Variants in CFAP20DC observed in about 807,000 individuals in gnomAD.
CFAP20DC encodes the protein CFAP20 domain containing.
In CFAP20DC, 84 loss-of-function variants were observed where a neutral mutation model predicts 101.7. That is an observed-to-expected ratio of 0.83 (90% CI 0.69 to 0.99). The LOEUF (loss-of-function observed/expected upper bound fraction) is 0.99, where lower values mean the gene tolerates loss of function less well. Ranked by LOEUF, CFAP20DC falls within the 50% of genes least tolerant of loss-of-function variation. CFAP20DC has a pLI of 0.00. For missense variants in CFAP20DC, 1,007 were observed against 970.3 expected, an observed-to-expected ratio of 1.04 and a Z score of -0.50; for synonymous variants, 359 against 351.2, an observed-to-expected ratio of 1.02 and a Z score of -0.25.
intron 5 of CFAP20DC, among the ~76,000 whole-genome samples, chr3:58,930,839 C>T (rs1028492189): frequency 6.6e-5 from 10 of 152,132 alleles, no homozygotes; most frequent in South Asian, 2.1e-4. Flanking sequence ...CCAGCGTGAG[C>T]GACGCAGAAG....
intron 14 of CFAP20DC, among the ~76,000 whole-genome samples, chr3:58,807,176 CG>C (rs1449306187): frequency 1.3e-5 from 2 of 152,216 alleles, no homozygotes; most frequent in African/African-American, 4.8e-5. Flanking sequence ...CCTCTGCAGA[CG>C]TAAGTGTCCC....
At chr3:58,922,107 T>C (rs1205653594) in intron 5 of CFAP20DC, among the ~76,000 whole-genome samples, 1 of 152,236 alleles carries the variant, frequency 6.6e-6, no homozygotes, top group African/African-American at 2.4e-5. Context: ...GCACTTTTTA[T>C]AAATAGCATG....
At chr3:58,981,951 C>T (rs1241766428) in intron 4 of CFAP20DC, among the ~76,000 whole-genome samples, 2 of 152,160 alleles carry the variant, frequency 1.3e-5, no homozygotes, top group Non-Finnish European at 2.9e-5. Context: ...TTTTCGCAAC[C>T]TGCTCATCTG....
chr3:58,814,978 G>T (rs1269676311), intron 14 of CFAP20DC, among the ~76,000 whole-genome samples: 2 of 151,146 alleles, frequency 1.3e-5, no homozygotes, highest in Non-Finnish European at 2.9e-5. Context: ...AGCTACCAAT[G>T]ACTTTCTTCA....
chr3:58,830,046 C>G (rs1052105094), intron 14 of CFAP20DC, among the ~76,000 whole-genome samples: 1 of 152,148 alleles, frequency 6.6e-6, no homozygotes, highest in Non-Finnish European at 1.5e-5. Context: ...AATACTCTAA[C>G]CAGAGTAACC....
At position 58,724,825 on chromosome 3, in the gene CFAP20DC, GGC is replaced by G. The variant is rs1559524523; in HGVS notation, c.198-7199_198-7198del. ...GTACCCTACGGGTGGGTGGTGTTGA[GGC>G]TGGTCCCCAACACAGCAGCAGTTGG... On this transcript the variant is annotated intron_variant, in intron 3 of 3. Transcript: ENST00000486145. This position sits in a 1 kb window ranked among gnomAD's most constrained non-coding sequence, Gnocchi z 5.6. Among the ~76,000 whole-genome samples, 1 of 152,046 alleles carries G rather than the reference GGC, an allele frequency of 6.6e-6. No homozygotes were observed. The highest frequency in any genetic ancestry group is 1.9e-4 in the East Asian group (1 of 5,168).
intron 7 of CFAP20DC, among the ~76,000 whole-genome samples, chr3:58,872,457 T>C (rs2080310553): frequency 6.6e-6 from 1 of 152,018 alleles, no homozygotes; most frequent in South Asian, 2.1e-4. Context: ...TGAGTGGAAG[T>C]AGTGTGTGTA....
intron 4 of CFAP20DC, among the ~76,000 whole-genome samples, chr3:58,950,313 AT>A (rs1486980897): frequency 1.3e-5 from 2 of 152,210 alleles, no homozygotes; most frequent in Non-Finnish European, 2.9e-5. Context: ...AAGAATCAAT[AT>A]TGTGAAAATG....
At chr3:58,926,037 G>A (rs1231020329) in intron 5 of CFAP20DC, among the ~76,000 whole-genome samples, 1 of 152,086 alleles carries the variant, frequency 6.6e-6, no homozygotes, top group Non-Finnish European at 1.5e-5. Context: ...ACCCATATTA[G>A]ACTGAGTAAG....
In CFAP20DC at chr3:58,951,845, C is replaced by A. The variant is rs57673222; in HGVS notation, c.279-14083G>T. 4.6e-3 allele frequency among the ~76,000 whole-genome samples: 705 copies of A among 152,108 alleles called. 6 individuals carry two copies. Among genetic ancestry groups the A allele is most frequent in the African/African-American group, 0.016 (666 of 41,490 alleles). On this transcript the variant is annotated intron_variant, in intron 4 of 16. Coordinates refer to ENST00000482387, the MANE Select transcript of CFAP20DC (RefSeq NM_001394063.1). ...CTGGGTGCAGCACACCAACATGGCA[C>A]ATGTATACATATGTAACAAACCTGC...
Position 58,849,248 on chromosome 3 carries a change from G to A in CFAP20DC, c.1755C>T (p.Ser585=). Residue 585 remains serine (S), a synonymous_variant, in exon 13 of 17, where the codon TCC becomes TCT. Transcript: ENST00000482387. The part of the protein sequence containing the change: ...TEAGATESQD[S]SMEQIDRNNF... ...TATTTCTATCTATTTGCTCCATCGA[G>A]GAATCCTGGCTTTCTGTTGCTCCTG... 2 of 1,536,054 alleles carry A rather than the reference G, an allele frequency of 1.3e-6. No individual in the cohort carries two copies. The highest frequency in any genetic ancestry group is 2.4e-5 in the East Asian group (1 of 40,920).
intron 15 of CFAP20DC, among the ~76,000 whole-genome samples, chr3:58,773,993 A>T (rs1226673721): frequency 1.4e-5 from 2 of 147,452 alleles, no homozygotes; most frequent in Admixed American, 6.8e-5. Context: ...TTCCTTTCAA[A>T]TTTTTTTTTT....
chr3:59,019,471 T>C (rs1465184773), intron 4 of CFAP20DC, among the ~76,000 whole-genome samples: 3 of 151,880 alleles, frequency 2.0e-5, no homozygotes, highest in Non-Finnish European at 4.4e-5. Context: ...AGCAGAAGAC[T>C]ATGCAGCCCT....
intron 4 of CFAP20DC, among the ~76,000 whole-genome samples, chr3:58,939,448 A>G (rs576151029): frequency 4.6e-5 from 7 of 152,188 alleles, no homozygotes; most frequent in African/African-American, 1.7e-4. Flanking sequence ...TACATTTTTT[A>G]AAATTTTATT....
intron 4 of CFAP20DC, among the ~76,000 whole-genome samples, chr3:59,035,973 C>T (rs768065849): frequency 6.6e-6 from 1 of 151,954 alleles, no homozygotes; most frequent in Admixed American, 6.6e-5. Context: ...TGGCTTCATC[C>T]CTGGGATGCA....
intron 16 of CFAP20DC, among the ~76,000 whole-genome samples, chr3:58,746,340 C>T (rs1427956715): frequency 6.6e-6 from 1 of 152,172 alleles, no homozygotes. Context: ...ATCAGCACAT[C>T]ATGGGGAACT....
intron 5 of CFAP20DC, among the ~76,000 whole-genome samples, chr3:58,920,876 T>C (rs376931162): frequency 1.3e-5 from 2 of 152,356 alleles, no homozygotes; most frequent in African/African-American, 4.8e-5. Flanking sequence ...ATTACTTCCT[T>C]AAATTTTAGA....
chr3:58,996,029 T>A (rs2093120242), intron 4 of CFAP20DC, among the ~76,000 whole-genome samples: 1 of 152,130 alleles, frequency 6.6e-6, no homozygotes, highest in African/African-American at 2.4e-5. Flanking sequence ...TATCTATTGT[T>A]TCTGTTGCTC....
rs1298356017 is a variant in CFAP20DC, at chr3:58,869,821, C to T, written c.853-331G>A. On this transcript the variant is annotated intron_variant, in intron 8 of 16. Coordinates refer to ENST00000482387, the MANE Select transcript of CFAP20DC (RefSeq NM_001394063.1). This position sits in a 1 kb window ranked among gnomAD's most constrained non-coding sequence, Gnocchi z 4.3. ...AGGAAATTAAAAATAAAAAACCTAACATTTGAGAATCTGTTCATCCTAAGG... is the reference window on the plus strand; with the variant it reads ...AGGAAATTAAAAATAAAAAACCTAATATTTGAGAATCTGTTCATCCTAAGG... Among the ~76,000 whole-genome samples the T allele has an allele frequency of 6.6e-6, 1 of 152,162 alleles. No homozygotes were observed. Among genetic ancestry groups the T allele is most frequent in the Non-Finnish European group, 1.5e-5 (1 of 68,020 alleles).
Sources: allele counts gnomAD v4.1 joint callset (sites outside exome capture counted in the v4.1 genomes callset), GRCh38; gene constraint gnomAD v4.1.1; non-coding constraint Gnocchi (gnomAD v3.1); transcripts MANE v1.5; gene names NCBI Gene and HGNC (gene_info 2026-07-23, HGNC 2026-07-21).